The following CNTNAP2 variants were observed in gnomAD, a reference collection of about 807,000 sequenced individuals.
CNTNAP2 encodes the protein contactin-associated protein-like 2.
In CNTNAP2, 98 loss-of-function variants were observed where a neutral mutation model predicts 155.2. That is an observed-to-expected ratio of 0.63 (90% CI 0.54 to 0.75). CNTNAP2 has a LOEUF of 0.75. CNTNAP2 is among the 30% of genes least tolerant of loss of function. The probability of loss-of-function intolerance (pLI) is 0.00; values close to 1 mark genes in which losing one functional copy is unlikely to be tolerated. For missense variants in CNTNAP2, 1,727 were observed against 1,688.1 expected (o/e 1.02, Z -0.40); for synonymous variants, 651 against 631.2 (o/e 1.03, Z -0.47).
At chr7:147,243,837 T>C (rs1476172073) in intron 8 of CNTNAP2, among the ~76,000 whole-genome samples, 1 of 152,178 alleles carries the variant, frequency 6.6e-6, no homozygotes, top group Non-Finnish European at 1.5e-5. Context: ...AGTTTCTTCT[T>C]TTTTTAAATA....
chr7:146,305,263 CCTT>C (rs1246830769), intron 1 of CNTNAP2, among the ~76,000 whole-genome samples: 10 of 152,144 alleles, frequency 6.6e-5, no homozygotes, highest in Admixed American at 1.3e-4. Context: ...TCGTCTGAAG[CCTT>C]CTTCTCTCAA....
At chr7:147,760,966 A>C (rs1250556570) in intron 13 of CNTNAP2, among the ~76,000 whole-genome samples, 1 of 152,186 alleles carries the variant, frequency 6.6e-6, no homozygotes, top group Non-Finnish European at 1.5e-5. Context: ...TATTCTTATG[A>C]GGTTATTCAA....
chr7:146,875,906 GCA>G (rs144916213), intron 3 of CNTNAP2, among the ~76,000 whole-genome samples: 166 of 92,724 alleles, frequency 1.8e-3, no homozygotes, highest in African/African-American at 3.4e-3. Context: ...ATACACACAC[GCA>G]CACACACACA....
chr7:148,138,014 G>GA lies in CNTNAP2; in HGVS notation c.2555-9474dup, dbSNP rs544199719. 1.2e-4 allele frequency among the ~76,000 whole-genome samples: 18 copies of GA among 152,270 alleles called. 2 individuals carry two copies. The South Asian group carries it at 3.7e-3, about 32-fold the overall frequency. On this transcript the variant is annotated intron_variant, in intron 16 of 23. Coordinates refer to ENST00000361727, the MANE Select transcript of CNTNAP2 (RefSeq NM_014141.6). Reference sequence around the variant, plus strand: ...GACACTGAAAGGATTTGATAGAAAGGAAACAATTTGTGGCAAAACAGAGAG... The same window carrying GA: ...GACACTGAAAGGATTTGATAGAAAGGAAAACAATTTGTGGCAAAACAGAGAG...
chr7:146,873,964 A>G (rs568258401), intron 3 of CNTNAP2, among the ~76,000 whole-genome samples: 2 of 152,270 alleles, frequency 1.3e-5, no homozygotes, highest in South Asian at 4.1e-4. Context: ...ACAAGAGTTC[A>G]TGATTTGTAG....
chr7:146,821,267 C>A (rs1803276902), intron 2 of CNTNAP2, among the ~76,000 whole-genome samples: 1 of 152,138 alleles, frequency 6.6e-6, no homozygotes, highest in Non-Finnish European at 1.5e-5. Flanking sequence ...CCTTGATGGT[C>A]TTTACATTTT....
chr7:147,638,335 G>A (rs901737154), intron 12 of CNTNAP2, among the ~76,000 whole-genome samples: 2 of 152,162 alleles, frequency 1.3e-5, no homozygotes, highest in African/African-American at 2.4e-5. Flanking sequence ...TCTGGTGCAC[G>A]AGGTCAGTCC....
chr7:147,609,182 A>C (rs529580827), intron 12 of CNTNAP2, among the ~76,000 whole-genome samples: 1 of 152,268 alleles, frequency 6.6e-6, no homozygotes, highest in South Asian at 2.1e-4. Flanking sequence ...AATCTGCAAA[A>C]GTTAAAACAA....
chr7:146,689,648 C>T lies in CNTNAP2; in HGVS notation c.98-84623C>T, dbSNP rs186681992. Among the ~76,000 whole-genome samples, 65 of 152,176 alleles carry T rather than the reference C, an allele frequency of 4.3e-4. 1 individual carries two copies. The Middle Eastern group carries it at 0.01, about 24-fold the overall frequency. On this transcript the variant is annotated intron_variant, in intron 1 of 23. Transcript: ENST00000361727. ...CTTGTCCTTTGTGCTGACTGCCACG[C>T]ATGTCTGATGAAATATAACAAATTG...
At chr7:147,956,573 G>A (rs1371465654) in intron 14 of CNTNAP2, among the ~76,000 whole-genome samples, 1 of 152,052 alleles carries the variant, frequency 6.6e-6, no homozygotes, top group African/African-American at 2.4e-5. Context: ...TGCCCATATC[G>A]AAGCACATGC....
intron 20 of CNTNAP2, among the ~76,000 whole-genome samples, chr7:148,262,045 G>T (rs1393939732): frequency 1.3e-5 from 2 of 152,214 alleles, no homozygotes; most frequent in African/African-American, 4.8e-5. Flanking sequence ...GCAACGAGTT[G>T]ATTGATAATT....
intron 23 of CNTNAP2, among the ~76,000 whole-genome samples, chr7:148,413,401 A>AAAAAAAAAATATATATATATATAT (rs1442990213): frequency 2.2e-5 from 1 of 45,376 alleles, no homozygotes; most frequent in African/African-American, 1.3e-4. Context: ...TCAAAAAAAA[A>AAAAAAAAAATATATATATATATAT]ATATATATAT....
chr7:148,153,363 C>G (rs1349933649), intron 17 of CNTNAP2, among the ~76,000 whole-genome samples: 1 of 152,070 alleles, frequency 6.6e-6, no homozygotes, highest in Non-Finnish European at 1.5e-5. Flanking sequence ...AGAGATTATT[C>G]TGGTTTAATC....
At chr7:146,224,802 G>A (rs772027973) in intron 1 of CNTNAP2, among the ~76,000 whole-genome samples, 25 of 152,036 alleles carry the variant, frequency 1.6e-4, no homozygotes, top group Non-Finnish European at 3.1e-4. Context: ...CAACAAAAAC[G>A]AAGATTTGGA....
At chr7:148,020,567 C>T (rs539318263) in intron 15 of CNTNAP2, among the ~76,000 whole-genome samples, 27 of 152,200 alleles carry the variant, frequency 1.8e-4, no homozygotes, top group African/African-American at 6.3e-4. Context: ...AAGTTAAATC[C>T]ATTTTATTCT....
chr7:147,960,575 G>A (rs1801099375), intron 14 of CNTNAP2, among the ~76,000 whole-genome samples: 1 of 152,178 alleles, frequency 6.6e-6, no homozygotes, highest in African/African-American at 2.4e-5. Flanking sequence ...GCAGTGTCCT[G>A]TACATTGTAA....
chr7:147,536,988 T>C (rs571459714), intron 11 of CNTNAP2, among the ~76,000 whole-genome samples: 1 of 152,302 alleles, frequency 6.6e-6, no homozygotes, highest in Non-Finnish European at 1.5e-5. Context: ...TTCCCTATCT[T>C]TCTAAATCTG....
At chr7:146,997,315 T>C (rs1037719189) in intron 3 of CNTNAP2, among the ~76,000 whole-genome samples, 6 of 152,178 alleles carry the variant, frequency 3.9e-5, no homozygotes, top group Admixed American at 3.9e-4. Context: ...TTCTTCTGCA[T>C]CTATTGAAGT....
chr7:147,851,701 A>G (rs1424743705), intron 13 of CNTNAP2, among the ~76,000 whole-genome samples: 2 of 147,330 alleles, frequency 1.4e-5, no homozygotes, highest in Non-Finnish European at 3.0e-5. Flanking sequence ...ATAGGCGGGA[A>G]TTGAACAATG....
Sources: gnomAD v4.1 joint callset for allele counts (sites outside exome capture counted in the v4.1 genomes callset) on GRCh38, gnomAD v4.1.1 for gene constraint, MANE v1.5 for transcripts, NCBI Gene and HGNC (gene_info 2026-07-23, HGNC 2026-07-21) for gene names.